ME1: variants seen among roughly 807,000 people sequenced by gnomAD.
The protein encoded by ME1 is malic enzyme 1.
ME1 carries 74 observed loss-of-function variants against 66.4 expected under a neutral mutation model. That is an observed-to-expected ratio of 1.11 (90% CI 0.92 to 1.35). ME1 has a LOEUF of 1.35. Ranked by LOEUF, ME1 falls within the 40% of genes most tolerant of loss-of-function variation. ME1 has a pLI of 0.00. For synonymous variants in ME1, 251 were observed against 235.6 expected, an observed-to-expected ratio of 1.07 and a Z score of -0.60; for missense variants, 750 against 694.1, an observed-to-expected ratio of 1.08 and a Z score of -0.90.
At position 83,294,849 on chromosome 6, in the gene ME1, T is replaced by G. The variant is rs376513356; in HGVS notation, c.704+20461A>C. Among the ~76,000 whole-genome samples, 9 of 151,908 alleles carry G rather than the reference T, an allele frequency of 5.9e-5. No individual in the cohort carries two copies. In the East Asian group the frequency reaches 1.4e-3, roughly 23 times the overall value. On this transcript the variant is annotated intron_variant, in intron 6 of 13. Coordinates refer to ENST00000369705, the MANE Select transcript of ME1 (RefSeq NM_002395.6). Reference sequence around the variant, plus strand: ...GATTGCAGCGCCACATCTCTCTGGGTTAGAGCCCCAGAAGAAAAGGGGAAG... The same window carrying G: ...GATTGCAGCGCCACATCTCTCTGGGGTAGAGCCCCAGAAGAAAAGGGGAAG...
At chr6:83,235,156 A>G (rs1404813075) in intron 9 of ME1, among the ~76,000 whole-genome samples, 1 of 152,128 alleles carries the variant, frequency 6.6e-6, no homozygotes, top group African/African-American at 2.4e-5. Flanking sequence ...CGTTGTCTTG[A>G]TATCTTCCTC....
intron 3 of ME1, among the ~76,000 whole-genome samples, chr6:83,397,157 CA>C (rs1184217324): frequency 6.6e-6 from 1 of 152,122 alleles, no homozygotes; most frequent in Non-Finnish European, 1.5e-5. Flanking sequence ...CTAAAAAGCT[CA>C]GCACAGCAGT....
chr6:83,301,047 G>A (rs1432647989), intron 6 of ME1, among the ~76,000 whole-genome samples: 1 of 152,116 alleles, frequency 6.6e-6, no homozygotes, highest in Non-Finnish European at 1.5e-5. Flanking sequence ...GGCCTGCCAT[G>A]GGATGGGGGG....
At chr6:83,385,539 G>A (rs757131345) in intron 3 of ME1, among the ~76,000 whole-genome samples, 2 of 151,848 alleles carry the variant, frequency 1.3e-5, no homozygotes, top group African/African-American at 2.4e-5. Flanking sequence ...ATGGAGAGCC[G>A]ATGAACTGTT....
intron 2 of ME1, among the ~76,000 whole-genome samples, chr6:83,405,866 C>T (rs1166748163): frequency 9.3e-5 from 14 of 151,172 alleles, no homozygotes; most frequent in Middle Eastern, 3.4e-3. Context: ...GGACTACAGG[C>T]GCCCGCCACT....
At chr6:83,244,448 A>G (rs572777162) in intron 7 of ME1, among the ~76,000 whole-genome samples, 5 of 152,242 alleles carry the variant, frequency 3.3e-5, no homozygotes, top group Admixed American at 3.3e-4. Flanking sequence ...GCCTTCTACT[A>G]TATACTAATA....
chr6:83,382,739 T>G (rs1368120005), intron 3 of ME1, among the ~76,000 whole-genome samples: 1 of 152,098 alleles, frequency 6.6e-6, no homozygotes, highest in Non-Finnish European at 1.5e-5. Context: ...AGAGTGCTGC[T>G]TCTCTGAGCA....
At chr6:83,296,048 G>C (rs1218313534) in intron 6 of ME1, among the ~76,000 whole-genome samples, 4 of 152,034 alleles carry the variant, frequency 2.6e-5, no homozygotes, top group Non-Finnish European at 4.4e-5. Flanking sequence ...CCCCAAAAAA[G>C]CCCAGGAACT....
At chr6:83,359,048 G>A (rs1768954606) in intron 3 of ME1, among the ~76,000 whole-genome samples, 1 of 151,322 alleles carries the variant, frequency 6.6e-6, no homozygotes, top group Non-Finnish European at 1.5e-5. Context: ...CAGATGGTGG[G>A]CAGCTGGGCA....
chr6:83,286,020 C>G (rs1427408667), intron 6 of ME1, among the ~76,000 whole-genome samples: 1 of 152,062 alleles, frequency 6.6e-6, no homozygotes, highest in African/African-American at 2.4e-5. Context: ...TATAAGATTT[C>G]CGAATTCAGA....
At chr6:83,235,752 G>A (rs1031437949) in intron 9 of ME1, among the ~76,000 whole-genome samples, 1 of 152,122 alleles carries the variant, frequency 6.6e-6, no homozygotes, top group Non-Finnish European at 1.5e-5. Flanking sequence ...GATTATAGGC[G>A]TGAGCCACCA....
At chr6:83,390,872 A>C (rs13340475) in intron 3 of ME1, among the ~76,000 whole-genome samples, 6,075 of 138,662 alleles carry the variant, frequency 0.044, 242 homozygotes, top group East Asian at 0.16. Context: ...ATCTCTCTCT[A>C]TATATATACA....
chr6:83,406,502 C>G (rs966097594), intron 2 of ME1, among the ~76,000 whole-genome samples: 2 of 152,076 alleles, frequency 1.3e-5, no homozygotes, highest in African/African-American at 4.8e-5. Context: ...TTTTAGAGTA[C>G]TAATCCCATT....
rs779698313 is a variant in ME1, at chr6:83,223,891, T to G, written c.1318A>C (p.Thr440Pro). 1.2e-6 allele frequency: 2 copies of G among 1,613,760 alleles called. No homozygotes were observed. The highest frequency in any genetic ancestry group is 1.7e-6 in the Non-Finnish European group (2 of 1,179,920). Residue 440 changes from threonine (T) to proline (P), a missense_variant, in exon 12 of 14, where the codon ACT (threonine) becomes CCT (proline). Transcript: ENST00000369705. ...FASGSPFDPV[T>P]LPNGQTLYPG... is the part of the protein sequence containing the mutation. ...TATAGGGTCTGTCCATTTGGAAGAG[T>G]GACTGGATCAAAAGGACTGCCACTG...
At chr6:83,403,031 T>C (rs1769865991) in intron 2 of ME1, among the ~76,000 whole-genome samples, 2 of 152,228 alleles carry the variant, frequency 1.3e-5, no homozygotes, top group African/African-American at 4.8e-5. Flanking sequence ...TAACATAAGA[T>C]ATACTGACTC....
intron 3 of ME1, among the ~76,000 whole-genome samples, chr6:83,379,656 A>G (rs1769358036): frequency 6.6e-6 from 1 of 151,968 alleles, no homozygotes. Context: ...TTATTTTTTT[A>G]GTTGATGAGT....
chr6:83,392,726 C>G, intron 3 of ME1: 1 of 632,112 alleles, frequency 1.6e-6, no homozygotes, highest in East Asian at 3.8e-5. Flanking sequence ...ATCTTCACCA[C>G]CATGGAGAAG....
In ME1 at chr6:83,228,815, A is replaced by G; in HGVS notation, c.1132+11T>C. 1 of 1,564,070 alleles carries G rather than the reference A, an allele frequency of 6.4e-7. No individual in the cohort carries two copies. The highest frequency in any genetic ancestry group is 1.4e-5 in the African/African-American group (1 of 72,870). On this transcript the variant is annotated intron_variant, in intron 10 of 13. Coordinates refer to ENST00000369705, the MANE Select transcript of ME1 (RefSeq NM_002395.6). The stretch of plus-strand genomic sequence containing the variant: ...AGGGGTAGGGGAGAAGGGAGAGGAG[A>G]AAATGCTTACCTATGAGGGCAGTTG...
intron 6 of ME1, among the ~76,000 whole-genome samples, chr6:83,287,942 T>A (rs955271131): frequency 4.6e-5 from 7 of 152,236 alleles, no homozygotes; most frequent in Admixed American, 2.6e-4. Context: ...GTTGGCTGCA[T>A]AAATGTCTTC....
Sources: gnomAD v4.1 joint callset for allele counts (sites outside exome capture counted in the v4.1 genomes callset) on GRCh38, gnomAD v4.1.1 for gene constraint, MANE v1.5 for transcripts, NCBI Gene and HGNC (gene_info 2026-07-23, HGNC 2026-07-21) for gene names.